Variants in ESRRG observed in about 807,000 individuals in gnomAD.
ESRRG encodes the protein estrogen related receptor gamma, also known as estrogen-related receptor gamma.
Under a neutral mutation model 44.0 loss-of-function variants are expected in ESRRG, and 13 were observed. The observed-to-expected ratio is 0.30, with a 90% confidence interval of 0.19 to 0.47. The LOEUF is 0.47. Among genes scored for constraint, ESRRG ranks in the 20% least tolerant of loss-of-function variants. The probability of loss-of-function intolerance (pLI) is 1.00; values close to 1 mark genes in which losing one functional copy is unlikely to be tolerated. For synonymous variants in ESRRG, 215 were observed against 214.6 expected, an observed-to-expected ratio of 1.00 and a Z score of -0.02; for missense variants, 395 against 580.6, an observed-to-expected ratio of 0.68 and a Z score of 3.29.
At chr1:216,987,947 A>G (rs1339933906) in intron 1 of ESRRG, among the ~76,000 whole-genome samples, 2 of 152,160 alleles carry the variant, frequency 1.3e-5, no homozygotes, top group African/African-American at 4.8e-5. Flanking sequence ...AGAGTTTCCC[A>G]GCAAGACTGA....
chr1:216,859,207 T>C (rs2096007141), intron 2 of ESRRG, among the ~76,000 whole-genome samples: 1 of 152,118 alleles, frequency 6.6e-6, no homozygotes, highest in Non-Finnish European at 1.5e-5. Flanking sequence ...CAGAACAATG[T>C]GTAAGATCCT....
At chr1:216,707,844 C>T (rs2082747130) in intron 1 of ESRRG, among the ~76,000 whole-genome samples, 1 of 152,054 alleles carries the variant, frequency 6.6e-6, no homozygotes, top group Admixed American at 6.6e-5. Context: ...TAATTTGACA[C>T]CAGAGAGTTG....
chr1:216,586,272 A>G (rs2063777357), intron 3 of ESRRG, among the ~76,000 whole-genome samples: 1 of 152,122 alleles, frequency 6.6e-6, no homozygotes, highest in African/African-American at 2.4e-5. Context: ...TTTTAGCATA[A>G]TTTTTTAAGA....
chr1:216,962,541 T>C (rs1392927915), intron 1 of ESRRG, among the ~76,000 whole-genome samples: 3 of 149,406 alleles, frequency 2.0e-5, no homozygotes, highest in Admixed American at 6.7e-5. Flanking sequence ...AGATGGTGTG[T>C]TTCCACAAGT....
chr1:216,873,209 G>GTTTTTTTTTT lies in ESRRG; in HGVS notation c.-14+66363_-14+66372dup, dbSNP rs754735743. 1.0e-4 allele frequency among the ~76,000 whole-genome samples: 11 copies of GTTTTTTTTTT among 105,934 alleles called. 1 individual carries two copies. The highest frequency in any genetic ancestry group is 2.9e-4 in the East Asian group (1 of 3,506). 69.5% of individuals were successfully genotyped at this position (105,934 alleles called of 152,430 possible). The stretch of plus-strand genomic sequence containing the variant: ...CCAGGAGTTCATAAACATCTTTTCA[G>GTTTTTTTTTT]TTTTTTTTTTTTTTTTTTTTTGACA... On this transcript the variant is annotated intron_variant, in intron 2 of 7. Transcript: ENST00000359162.
intron 2 of ESRRG, among the ~76,000 whole-genome samples, chr1:216,799,296 C>A (rs188387328): frequency 1.3e-5 from 2 of 151,040 alleles, no homozygotes; most frequent in Non-Finnish European, 3.0e-5. Flanking sequence ...ATTTGGTCTA[C>A]TATTTCTGTT....
intron 1 of ESRRG, among the ~76,000 whole-genome samples, chr1:217,135,985 GGA>G (rs930694044): frequency 9.9e-5 from 15 of 152,056 alleles, no homozygotes; most frequent in Non-Finnish European, 1.8e-4. Context: ...GGATAGATTG[GGA>G]GAGAGAGATG....
chr1:216,834,016 A>G (rs2813676), intron 2 of ESRRG, among the ~76,000 whole-genome samples: 6,348 of 152,248 alleles, frequency 0.042, 398 homozygotes, highest in African/African-American at 0.14. Flanking sequence ...CCATGGTTCA[A>G]ACAACAGCGC....
At chr1:217,024,656 TCTC>T (rs1203079361) in intron 1 of ESRRG, among the ~76,000 whole-genome samples, 1 of 152,218 alleles carries the variant, frequency 6.6e-6, no homozygotes, top group Non-Finnish European at 1.5e-5. Flanking sequence ...CCCCATTTCT[TCTC>T]AACCACTTTA....
intron 2 of ESRRG, among the ~76,000 whole-genome samples, chr1:216,865,768 T>A (rs1262499188): frequency 6.6e-6 from 1 of 152,224 alleles, no homozygotes; most frequent in Non-Finnish European, 1.5e-5. Context: ...AACTGTCTTT[T>A]ACAATGGCAT....
At chr1:217,102,294 G>A (rs561536949) in intron 1 of ESRRG, among the ~76,000 whole-genome samples, 1 of 152,312 alleles carries the variant, frequency 6.6e-6, no homozygotes, top group Non-Finnish European at 1.5e-5. Flanking sequence ...TGTGGGATCT[G>A]GGAGTCAATC....
At chr1:217,096,345 C>T (rs1167277035) in intron 1 of ESRRG, among the ~76,000 whole-genome samples, 2 of 152,220 alleles carry the variant, frequency 1.3e-5, no homozygotes, top group Admixed American at 6.5e-5. Flanking sequence ...CCACAAGCTA[C>T]CAACTACGTT....
intron 1 of ESRRG, among the ~76,000 whole-genome samples, chr1:217,020,273 A>G (rs1362887649): frequency 6.6e-6 from 1 of 152,218 alleles, no homozygotes; most frequent in Non-Finnish European, 1.5e-5. Flanking sequence ...AAGCCCCAGT[A>G]AAATATGACA....
intron 1 of ESRRG, among the ~76,000 whole-genome samples, chr1:217,065,678 G>T (rs1036258294): frequency 1.3e-5 from 2 of 152,328 alleles, no homozygotes; most frequent in East Asian, 3.9e-4. Context: ...GACCAGTTCA[G>T]TCCCATATGG....
chr1:216,868,502 G>A (rs540065840), intron 2 of ESRRG, among the ~76,000 whole-genome samples: 1 of 152,148 alleles, frequency 6.6e-6, no homozygotes, highest in Non-Finnish European at 1.5e-5. Flanking sequence ...GTTTTGGACA[G>A]TTACAAATAG....
At chr1:216,532,554 C>T (rs1321739790) in intron 5 of ESRRG, among the ~76,000 whole-genome samples, 8 of 152,176 alleles carry the variant, frequency 5.3e-5, no homozygotes, top group Non-Finnish European at 7.3e-5. Flanking sequence ...CGGCTCTGGC[C>T]GCAATGACTA....
chr1:216,791,210 C>A (rs2094308852), intron 2 of ESRRG, among the ~76,000 whole-genome samples: 1 of 152,080 alleles, frequency 6.6e-6, no homozygotes, highest in African/African-American at 2.4e-5. Flanking sequence ...GGGGCAGATA[C>A]CTCATGGCTT....
chr1:216,779,706 A>G (rs966862206), intron 2 of ESRRG, among the ~76,000 whole-genome samples: 3 of 148,546 alleles, frequency 2.0e-5, no homozygotes, highest in African/African-American at 7.5e-5. Context: ...CTTGCTAACA[A>G]TTTAGTCACA....
chr1:216,588,453 T>TATA (rs2057064235), intron 3 of ESRRG, among the ~76,000 whole-genome samples: 1 of 152,192 alleles, frequency 6.6e-6, no homozygotes, highest in Non-Finnish European at 1.5e-5. Context: ...AATAAATAAC[T>TATA]ATAATTTTAT....
Sources: gnomAD v4.1 joint callset for allele counts (sites outside exome capture counted in the v4.1 genomes callset) on GRCh38, gnomAD v4.1.1 for gene constraint, MANE v1.5 for transcripts, NCBI Gene and HGNC (gene_info 2026-07-23, HGNC 2026-07-21) for gene names.